CLVS1: variants seen among roughly 807,000 people sequenced by gnomAD.
CLVS1 encodes the protein clavesin 1.
Under a neutral mutation model 33.1 loss-of-function variants are expected in CLVS1, and 10 were observed. The observed-to-expected ratio is 0.30, with a 90% CI of 0.19 to 0.51. The LOEUF (loss-of-function observed/expected upper bound fraction) is 0.51. CLVS1 is among the 20% of genes least tolerant of loss of function. The pLI, the probability that CLVS1 is intolerant of heterozygous loss-of-function variation, is 0.97. For missense variants in CLVS1, 343 were observed against 433.4 expected (o/e 0.79, Z 1.85); for synonymous variants, 163 against 166.1 (o/e 0.98, Z 0.14).
At chr8:61,328,649 T>A (rs1811474706) in intron 2 of CLVS1, among the ~76,000 whole-genome samples, 1 of 152,166 alleles carries the variant, frequency 6.6e-6, no homozygotes, top group South Asian at 2.1e-4. Context: ...AATTCCCAGA[T>A]GCCTTACAAG....
intron 1 of CLVS1, among the ~76,000 whole-genome samples, chr8:61,111,981 G>T (rs552335217): frequency 1.2e-4 from 18 of 151,834 alleles, no homozygotes; most frequent in Non-Finnish European, 2.1e-4. Flanking sequence ...TTTCAAATCG[G>T]TACTGTAGAA....
At position 61,356,450 on chromosome 8, in the gene CLVS1, T is replaced by G. The variant is rs543645461; in HGVS notation, c.456-20155T>G. ...CCCATTTGTCAATTTTGGCTTTTGT[T>G]GCCATTGCTTTTGGTGTTTTAGACA... On this transcript the variant is annotated intron_variant, in intron 2 of 5. Transcript: ENST00000325897. 5.8e-3 allele frequency among the ~76,000 whole-genome samples: 886 copies of G among 151,788 alleles called. 5 individuals are homozygous for G. The highest frequency in any genetic ancestry group is 0.02 in the Middle Eastern group (6 of 294).
At chr8:61,493,034 A>G (rs1804147889) in intron 5 of CLVS1, among the ~76,000 whole-genome samples, 1 of 152,260 alleles carries the variant, frequency 6.6e-6, no homozygotes, top group Non-Finnish European at 1.5e-5. Flanking sequence ...GAAAACAACC[A>G]TAACTATATT....
At chr8:61,300,326 G>A (rs1277557092) in intron 2 of CLVS1, 44 bp downstream of exon 2, 1 of 1,496,156 alleles carries the variant, frequency 6.7e-7, no homozygotes, top group East Asian at 2.3e-5. Context: ...TTTGCTATAA[G>A]CATTATCACT....
chr8:61,063,260 CGAGAGA>C (rs555022524), intron 1 of CLVS1, among the ~76,000 whole-genome samples: 96 of 82,014 alleles, frequency 1.2e-3, no homozygotes, highest in African/African-American at 3.6e-3. Context: ...AGTGAGGAAG[CGAGAGA>C]GAGAGAGAGA....
the CLVS1 span, chr8:60,965,233 C>T: frequency 6.6e-6 from 1 of 152,168 alleles, no homozygotes; most frequent in Non-Finnish European, 1.5e-5. Flanking sequence ...TTCTCTTGAA[C>T]CAGATGTGAC....
intron 5 of CLVS1, among the ~76,000 whole-genome samples, chr8:61,497,547 C>T (rs996671232): frequency 1.1e-4 from 16 of 151,936 alleles, no homozygotes; most frequent in African/African-American, 4.8e-5. Flanking sequence ...GGCCCCACCA[C>T]TTACTTACTC....
At chr8:61,390,412 A>G (rs879911061) in intron 3 of CLVS1, among the ~76,000 whole-genome samples, 7 of 152,154 alleles carry the variant, frequency 4.6e-5, no homozygotes, top group Admixed American at 1.3e-4. Context: ...TCTTTAGCTA[A>G]ATTTTTGGCC....
chr8:61,364,905 A>G (rs1813132487), intron 2 of CLVS1, among the ~76,000 whole-genome samples: 1 of 152,234 alleles, frequency 6.6e-6, no homozygotes, highest in Non-Finnish European at 1.5e-5. Context: ...GCTTCCCATG[A>G]AAAGCAATAC....
chr8:61,478,203 C>A (rs1049061982), intron 5 of CLVS1, among the ~76,000 whole-genome samples: 1 of 151,966 alleles, frequency 6.6e-6, no homozygotes, highest in African/African-American at 2.4e-5. Flanking sequence ...AATTTCTGTT[C>A]TTTTACATTT....
chr8:60,976,978 C>T, the CLVS1 span, among the ~76,000 whole-genome samples: 1 of 152,212 alleles, frequency 6.6e-6, no homozygotes, highest in African/African-American at 2.4e-5. Context: ...TTTAAAGAGA[C>T]AGGATCTATT....
At chr8:61,077,842 C>G (rs1291555960) in intron 1 of CLVS1, among the ~76,000 whole-genome samples, 1 of 152,158 alleles carries the variant, frequency 6.6e-6, no homozygotes, top group South Asian at 2.1e-4. Context: ...GAGCCATCTG[C>G]GAGGATTTTG....
At chr8:61,374,590 A>G (rs1265831705) in intron 2 of CLVS1, among the ~76,000 whole-genome samples, 1 of 152,256 alleles carries the variant, frequency 6.6e-6, no homozygotes, top group Non-Finnish European at 1.5e-5. Flanking sequence ...ATGTGAAAGG[A>G]AAAACAAAAG....
intron 1 of CLVS1, among the ~76,000 whole-genome samples, chr8:61,104,247 C>A (rs922539198): frequency 6.6e-6 from 1 of 152,144 alleles, no homozygotes; most frequent in African/African-American, 2.4e-5. Context: ...AAAGAAGAAA[C>A]CTGGTTCATA....
chr8:61,472,867 A>G (rs796140212), intron 5 of CLVS1, among the ~76,000 whole-genome samples: 22 of 152,194 alleles, frequency 1.4e-4, no homozygotes, highest in African/African-American at 5.1e-4. Context: ...TGCTGTGAGG[A>G]TTAAAGGAAG....
At chr8:61,079,991 A>C (rs1270989766) in intron 1 of CLVS1, among the ~76,000 whole-genome samples, 2 of 152,224 alleles carry the variant, frequency 1.3e-5, no homozygotes, top group East Asian at 3.8e-4. Context: ...GTTGTTTCTA[A>C]AGAGGTGGAG....
chr8:61,112,930 T>G (rs760616666), intron 1 of CLVS1, among the ~76,000 whole-genome samples: 1 of 152,072 alleles, frequency 6.6e-6, no homozygotes, highest in African/African-American at 2.4e-5. Flanking sequence ...TCTGAACACA[T>G]GTGGAAAGTT....
intron 1 of CLVS1, among the ~76,000 whole-genome samples, chr8:61,126,247 C>T (rs1176549513): frequency 6.6e-6 from 1 of 152,162 alleles, no homozygotes; most frequent in Non-Finnish European, 1.5e-5. Flanking sequence ...CTGACCTGTC[C>T]TCCCACCCAG....
chr8:61,339,658 TA>T (rs965140033), intron 2 of CLVS1, among the ~76,000 whole-genome samples: 1 of 149,526 alleles, frequency 6.7e-6, no homozygotes, highest in Non-Finnish European at 1.5e-5. Context: ...TGCAGGAGAG[TA>T]ACCCTCAGGC....
Sources: gnomAD v4.1 joint callset for allele counts (sites outside exome capture counted in the v4.1 genomes callset) on GRCh38, gnomAD v4.1.1 for gene constraint, MANE v1.5 for transcripts, NCBI Gene and HGNC (gene_info 2026-07-23, HGNC 2026-07-21) for gene names.